Variants in TUG1 observed in about 807,000 individuals in gnomAD.
The protein encoded by TUG1 is taurine up-regulated 1, also known as taurine upregulated gene 1.
chr22:30,978,475 G>A (rs2041314543), exon 3 of TUG1: 1 of 152,132 alleles, frequency 6.6e-6, no homozygotes, highest in Non-Finnish European at 1.5e-5. Flanking sequence ...GTTCCATCTT[G>A]TAACAACTCC....
exon 3 of TUG1, chr22:30,978,464 C>T (rs974112751): frequency 5.3e-5 from 8 of 152,192 alleles, no homozygotes; most frequent in East Asian, 3.8e-4. Context: ...GCCCAGCATC[C>T]GTTCCATCTT....
exon 1 of TUG1, chr22:30,970,071 A>G (rs2041210112): frequency 6.6e-6 from 1 of 152,196 alleles, no homozygotes; most frequent in African/African-American, 2.4e-5. Flanking sequence ...AGTTGTAAGA[A>G]AACTTAGCAG....
exon 1 of TUG1, chr22:30,970,067 A>G (rs2041210001): frequency 6.6e-6 from 1 of 152,126 alleles, no homozygotes; most frequent in South Asian, 2.1e-4. Context: ...TTTGAGTTGT[A>G]AGAAAACTTA....
exon 3 of TUG1, chr22:30,978,269 T>G (rs1471856818): frequency 6.6e-6 from 1 of 152,212 alleles, no homozygotes; most frequent in Non-Finnish European, 1.5e-5. Flanking sequence ...TGGACATGAT[T>G]ATTATTCCAT....
exon 3 of TUG1, chr22:30,975,335 T>G (rs571471456): frequency 4.7e-4 from 71 of 152,316 alleles, no homozygotes; most frequent in African/African-American, 1.6e-3. Flanking sequence ...ACTATCTTCC[T>G]TTACCACCGT....
exon 3 of TUG1, chr22:30,977,822 C>G (rs1016802612): frequency 1.3e-5 from 2 of 152,158 alleles, no homozygotes; most frequent in Non-Finnish European, 1.5e-5. Flanking sequence ...CACACCTCAC[C>G]CACTAGGACT....
chr22:30,970,685 C>T (rs189597425), exon 1 of TUG1: 1 of 152,290 alleles, frequency 6.6e-6, no homozygotes, highest in East Asian at 1.9e-4. Flanking sequence ...CTTTACATGT[C>T]TAGGCTGTGT....
exon 3 of TUG1, chr22:30,975,595 G>A (rs1427529328): frequency 1.3e-5 from 2 of 152,190 alleles, no homozygotes; most frequent in East Asian, 3.8e-4. Flanking sequence ...ATGGTGTCAA[G>A]TGAACCTAGA....
exon 1 of TUG1, chr22:30,970,059 T>C (rs2041209900): frequency 1.3e-5 from 2 of 152,312 alleles, no homozygotes; most frequent in South Asian, 2.1e-4. Context: ...TAATTTTTTT[T>C]GAGTTGTAAG....
At chr22:30,975,931 G>A (rs1174647730) in exon 3 of TUG1, 3 of 139,804 alleles carry the variant, frequency 2.1e-5, no homozygotes, top group Non-Finnish European at 4.8e-5. Flanking sequence ...TCCTAAAGGG[G>A]CTCAATATCT....
chr22:30,972,629 C>A (rs1028451889), intron 1 of TUG1: 1 of 152,588 alleles, frequency 6.6e-6, no homozygotes, highest in Non-Finnish European at 1.5e-5. Flanking sequence ...TGTGCTGCTT[C>A]GCGAGACAGT....
exon 1 of TUG1, chr22:30,970,489 A>G (rs1045101887): frequency 6.6e-6 from 1 of 152,176 alleles, no homozygotes; most frequent in Non-Finnish European, 1.5e-5. Flanking sequence ...ATATGGTACA[A>G]TGGCACCCAG....
At chr22:30,970,914 G>A (rs1014353541) in exon 1 of TUG1, 1 of 152,198 alleles carries the variant, frequency 6.6e-6, no homozygotes, top group Non-Finnish European at 1.5e-5. Context: ...AGATTTGGAA[G>A]TGATTCAAAG....
exon 1 of TUG1, chr22:30,970,306 C>T (rs1169611997): frequency 1.3e-5 from 2 of 152,164 alleles, no homozygotes; most frequent in African/African-American, 4.8e-5. Context: ...GAAACTGAGG[C>T]CTAGATGTCA....
At chr22:30,974,222 A>G (rs1166333636) in intron 2 of TUG1, 2 of 151,958 alleles carry the variant, frequency 1.3e-5, no homozygotes, top group African/African-American at 4.8e-5. Context: ...TCTGTTACCT[A>G]GTAAGATAGT....
exon 1 of TUG1, chr22:30,971,007 C>T (rs767936468): frequency 3.3e-5 from 5 of 152,156 alleles, no homozygotes; most frequent in Non-Finnish European, 5.9e-5. Context: ...GTTTTTGCTT[C>T]TTTGTTAGTT....
intron 2 of TUG1, chr22:30,974,080 C>G (rs2041259567): frequency 6.6e-6 from 1 of 152,154 alleles, no homozygotes; most frequent in South Asian, 2.1e-4. Context: ...TTAAGACTTA[C>G]TGATATTCCT....
exon 3 of TUG1, chr22:30,978,399 A>T (rs1294777932): frequency 1.3e-5 from 2 of 152,212 alleles, no homozygotes; most frequent in Admixed American, 1.3e-4. Flanking sequence ...CTTCTTAAGC[A>T]GAGATTAAGC....
chr22:30,972,905 C>G (rs1214678235), exon 2 of TUG1: 1 of 153,542 alleles, frequency 6.5e-6, no homozygotes, highest in Non-Finnish European at 1.5e-5. Flanking sequence ...TGACTACCTT[C>G]CCTGTGCTAT....
Sources: gnomAD v4.1 joint callset for allele counts on GRCh38, gnomAD v4.1.1 for gene constraint, MANE v1.5 for transcripts, NCBI Gene and HGNC (gene_info 2026-07-23, HGNC 2026-07-21) for gene names.